RASA3: variants seen among roughly 807,000 people sequenced by gnomAD.
The protein encoded by RASA3 is RAS p21 protein activator 3.
Under a neutral mutation model 110.0 loss-of-function variants are expected in RASA3, and 73 were observed. The observed-to-expected ratio is 0.66, with a 90% CI of 0.55 to 0.81. The LOEUF (loss-of-function observed/expected upper bound fraction) is 0.81, where lower values mean the gene tolerates loss of function less well. Among genes scored for constraint, RASA3 ranks in the 30% least tolerant of loss-of-function variants. RASA3 has a pLI of 0.00. For missense variants in RASA3, 976 were observed against 1,113.2 expected (o/e 0.88, Z 1.75); for synonymous variants, 500 against 451.4 (o/e 1.11, Z -1.37).
At chr13:114,117,841 T>C (rs2080314356) in intron 1 of RASA3, among the ~76,000 whole-genome samples, 1 of 137,630 alleles carries the variant, frequency 7.3e-6, no homozygotes, top group Admixed American at 7.3e-5. Flanking sequence ...GAGGGGTGCA[T>C]GCAATGCTCC....
At chr13:114,060,171 C>T (rs1470006960) in intron 2 of RASA3, among the ~76,000 whole-genome samples, 1 of 152,192 alleles carries the variant, frequency 6.6e-6, no homozygotes, top group South Asian at 2.1e-4. Context: ...GACGTAGGAG[C>T]AAGGAGAAGG....
intron 2 of RASA3, among the ~76,000 whole-genome samples, chr13:114,055,709 A>C: frequency 6.6e-6 from 1 of 152,194 alleles, no homozygotes. Flanking sequence ...AATGTGTGAA[A>C]GCAGCCTGGA....
rs10638832 is a variant in RASA3 at position 114,014,022 on chromosome 13, C to CTCTATCTCTCTCTCCGTCTCTA, written c.1406-775_1406-774insTAGAGACGGAGAGAGAGATAGA. Reference sequence around the variant, plus strand: ...TCCGTCTGTCTCTGTCTCTCTCCATCTCTCTCTCTCCGTCTCTATCTCTCT... The same window carrying CTCTATCTCTCTCTCCGTCTCTA: ...TCCGTCTGTCTCTGTCTCTCTCCATCTCTATCTCTCTCTCCGTCTCTATCTCTCTCTCCGTCTCTATCTCTCT... On this transcript the variant is annotated intron_variant, in intron 14 of 23. Coordinates refer to ENST00000334062, the MANE Select transcript of RASA3 (RefSeq NM_007368.4). This position sits in a 1 kb window ranked among gnomAD's most constrained non-coding sequence, Gnocchi z 4.5. Among the ~76,000 whole-genome samples, 1 of 120,334 alleles carries CTCTATCTCTCTCTCCGTCTCTA rather than the reference C, an allele frequency of 8.3e-6. No homozygotes were observed. Among genetic ancestry groups the CTCTATCTCTCTCTCCGTCTCTA allele is most frequent in the Non-Finnish European group, 1.8e-5 (1 of 54,980 alleles). 78.9% of individuals were successfully genotyped at this position (120,334 alleles called of 152,430 possible).
intron 4 of RASA3, among the ~76,000 whole-genome samples, chr13:114,030,754 G>A (rs997507028): frequency 6.7e-6 from 1 of 149,980 alleles, no homozygotes; most frequent in South Asian, 2.1e-4. Flanking sequence ...TGTGTGTGCA[G>A]CTGTGTATGT....
intron 22 of RASA3, among the ~76,000 whole-genome samples, chr13:113,991,182 C>T (rs1199034678): frequency 1.4e-5 from 1 of 70,500 alleles, no homozygotes; most frequent in Non-Finnish European, 2.6e-5. Flanking sequence ...GCTGTGCGGA[C>T]ACCCAGGGCA....
chr13:114,076,372 A>C (rs1045669178), intron 1 of RASA3, among the ~76,000 whole-genome samples: 1 of 152,214 alleles, frequency 6.6e-6, no homozygotes, highest in African/African-American at 2.4e-5. Flanking sequence ...CACCCGCTGC[A>C]TGGGAGAACA....
chr13:114,124,504 A>T (rs958932838), intron 1 of RASA3, among the ~76,000 whole-genome samples: 1 of 152,212 alleles, frequency 6.6e-6, no homozygotes, highest in African/African-American at 2.4e-5. Flanking sequence ...ATCTACAGCA[A>T]AGCTTGAACG....
At position 114,048,044 on chromosome 13, in the gene RASA3, G is replaced by C. The variant is rs1394650314; in HGVS notation, c.277+4008C>G. 1.3e-5 allele frequency among the ~76,000 whole-genome samples: 2 copies of C among 152,164 alleles called. No homozygotes were observed. Among genetic ancestry groups the C allele is most frequent in the East Asian group, 3.9e-4 (2 of 5,182 alleles). ...AAGAACGGAGGTCTCGGCCGGGCGCGGTGGCTCACGCCTGTAATCCCAGCA... is the reference window on the plus strand; with the variant it reads ...AAGAACGGAGGTCTCGGCCGGGCGCCGTGGCTCACGCCTGTAATCCCAGCA... On this transcript the variant is annotated intron_variant, in intron 3 of 23. Coordinates refer to ENST00000334062, the MANE Select transcript of RASA3 (RefSeq NM_007368.4). This position sits in a 1 kb window ranked among gnomAD's most constrained non-coding sequence, Gnocchi z 4.3.
intron 1 of RASA3, among the ~76,000 whole-genome samples, chr13:114,116,682 A>G (rs1330213574): frequency 2.0e-5 from 3 of 152,228 alleles, no homozygotes; most frequent in African/African-American, 4.8e-5. Context: ...TACAGTTTCC[A>G]CTATTCACAT....
At chr13:114,045,906 A>G (rs2079045013) in intron 3 of RASA3, among the ~76,000 whole-genome samples, 1 of 147,576 alleles carries the variant, frequency 6.8e-6, no homozygotes, top group Non-Finnish European at 1.5e-5. Context: ...AACACATCAC[A>G]AAACACTGAT....
intron 1 of RASA3, among the ~76,000 whole-genome samples, chr13:114,116,014 T>G (rs2080270582): frequency 6.6e-6 from 1 of 152,138 alleles, no homozygotes; most frequent in African/African-American, 2.4e-5. Flanking sequence ...CCTGCTGACA[T>G]GAGTGTGGAT....
At chr13:114,076,648 G>C (rs2079689396) in intron 1 of RASA3, among the ~76,000 whole-genome samples, 1 of 152,206 alleles carries the variant, frequency 6.6e-6, no homozygotes, top group Admixed American at 6.5e-5. Flanking sequence ...AACATGGCCG[G>C]CGAGCTTCTC....
chr13:114,043,361 C>T (rs775712298), intron 3 of RASA3, among the ~76,000 whole-genome samples: 1 of 152,180 alleles, frequency 6.6e-6, no homozygotes, highest in African/African-American at 2.4e-5. Context: ...GCATCTTCAT[C>T]TGATGTCCTC....
At chr13:114,099,563 G>C (rs545456287) in intron 1 of RASA3, among the ~76,000 whole-genome samples, 3 of 150,458 alleles carry the variant, frequency 2.0e-5, no homozygotes, top group Non-Finnish European at 3.0e-5. Flanking sequence ...ACCTAAGTAC[G>C]GCTCTGTTTA....
At chr13:114,021,778 G>C (rs1176712855) in intron 8 of RASA3, among the ~76,000 whole-genome samples, 1 of 152,184 alleles carries the variant, frequency 6.6e-6, no homozygotes, top group Non-Finnish European at 1.5e-5. Context: ...TCTTAGATAG[G>C]AGGGAGCCTG....
At chr13:113,990,848 T>G (rs1377088568) in intron 22 of RASA3, among the ~76,000 whole-genome samples, 1 of 152,194 alleles carries the variant, frequency 6.6e-6, no homozygotes, top group East Asian at 1.9e-4. Flanking sequence ...ACACATGTAT[T>G]GCTGGGAACA....
chr13:114,130,708 A>G (rs2080505951), intron 1 of RASA3, among the ~76,000 whole-genome samples: 2 of 152,182 alleles, frequency 1.3e-5, no homozygotes, highest in Admixed American at 1.3e-4. Context: ...CCCTTCCTGG[A>G]GTACACAGCG....
chr13:114,043,837 G>GCCCCCCCCCCCCCCCCCCCCCCT (rs544129523), intron 3 of RASA3, among the ~76,000 whole-genome samples: 2 of 22,826 alleles, frequency 8.8e-5, no homozygotes, highest in African/African-American at 3.4e-4. Context: ...CACTCGCTGA[G>GCCCCCCCCCCCCCCCCCCCCCCT]CCCCCCGCCC....
At chr13:114,066,724 T>C (rs1566545421) in intron 2 of RASA3, among the ~76,000 whole-genome samples, 1 of 152,212 alleles carries the variant, frequency 6.6e-6, no homozygotes, top group Non-Finnish European at 1.5e-5. Context: ...GGTGCGCTCC[T>C]GTGAGCCAGC....
Sources: gnomAD v4.1 joint callset for allele counts (sites outside exome capture counted in the v4.1 genomes callset) on GRCh38, gnomAD v4.1.1 for gene constraint, Gnocchi (gnomAD v3.1) non-coding constraint, MANE v1.5 for transcripts, NCBI Gene and HGNC (gene_info 2026-07-23, HGNC 2026-07-21) for gene names.